ZSCAN25: variants seen among roughly 807,000 people sequenced by gnomAD.
The protein encoded by ZSCAN25 is zinc finger and SCAN domain-containing protein 25.
In ZSCAN25, 27 loss-of-function variants were observed where a neutral mutation model predicts 38.7. The observed-to-expected ratio is 0.70, with a 90% CI of 0.51 to 0.96. The LOEUF (loss-of-function observed/expected upper bound fraction) is 0.96, where lower values mean the gene tolerates loss of function less well. ZSCAN25 is among the 40% of genes least tolerant of loss of function. The probability of loss-of-function intolerance (pLI) is 0.00; values close to 1 mark genes in which losing one functional copy is unlikely to be tolerated. For synonymous variants in ZSCAN25, 273 were observed against 277.7 expected (o/e 0.98, Z 0.17); for missense variants, 637 against 705.9 (o/e 0.90, Z 1.11).
chr7:99,643,225 G>A, the ZSCAN25 span, among the ~76,000 whole-genome samples: 11 of 152,062 alleles, frequency 7.2e-5, no homozygotes, highest in African/African-American at 2.2e-4. Flanking sequence ...GAAAGGGAAT[G>A]TTTCTCTCCC....
At chr7:99,723,027 T>TAA in the ZSCAN25 span, among the ~76,000 whole-genome samples, 16 of 150,950 alleles carry the variant, frequency 1.1e-4, no homozygotes, top group Admixed American at 4.0e-4. Flanking sequence ...CACTGAAACT[T>TAA]AAAAAAAAAC....
the ZSCAN25 span, among the ~76,000 whole-genome samples, chr7:99,729,347 T>A: frequency 6.6e-6 from 1 of 152,192 alleles, no homozygotes; most frequent in Non-Finnish European, 1.5e-5. Flanking sequence ...TAACTCATTA[T>A]AAAATTTTCT....
chr7:99,650,207 C>G, the ZSCAN25 span: 2 of 1,613,728 alleles, frequency 1.2e-6, no homozygotes, highest in Non-Finnish European at 1.7e-6. Context: ...ATGTAAGGAT[C>G]TATGCTGTCC....
chr7:99,672,764 TTA>T, the ZSCAN25 span: 124 of 1,598,862 alleles, frequency 7.8e-5, no homozygotes, highest in South Asian at 1.2e-3. Flanking sequence ...ACTTTGATCA[TTA>T]TGTTATGTAA....
At chr7:99,618,255 C>T (rs981852817) in intron 1 of ZSCAN25, 3 of 152,174 alleles carry the variant, frequency 2.0e-5, no homozygotes, top group Admixed American at 6.5e-5. Flanking sequence ...TCTTCTTTTC[C>T]TTGAGTACTT....
chr7:99,696,748 C>T, the ZSCAN25 span, among the ~76,000 whole-genome samples: 1 of 152,176 alleles, frequency 6.6e-6, no homozygotes, highest in African/African-American at 2.4e-5. Context: ...ACGCAAATCT[C>T]ATGTGGAAAT....
downstream of ZSCAN25, among the ~76,000 whole-genome samples, chr7:99,633,002 T>C (rs1260284697): frequency 6.6e-6 from 1 of 151,218 alleles, no homozygotes; most frequent in Non-Finnish European, 1.5e-5. Context: ...TTTTTTTTTT[T>C]TGAGCTGGAG....
chr7:99,711,528 G>A, the ZSCAN25 span, among the ~76,000 whole-genome samples: 1 of 152,170 alleles, frequency 6.6e-6, no homozygotes, highest in African/African-American at 2.4e-5. Context: ...CATCACTTTG[G>A]GAGGCCAAGG....
chr7:99,661,592 T>A, the ZSCAN25 span, among the ~76,000 whole-genome samples: 1 of 152,248 alleles, frequency 6.6e-6, no homozygotes. Flanking sequence ...TGGTCAGGAC[T>A]GGATTAGGAC....
At chr7:99,628,528 A>T (rs1292295848) in intron 7 of ZSCAN25, among the ~76,000 whole-genome samples, 1 of 152,264 alleles carries the variant, frequency 6.6e-6, no homozygotes, top group Non-Finnish European at 1.5e-5. Context: ...TCATGGTCTC[A>T]GTCCTGATAA....
chr7:99,686,889 G>C, the ZSCAN25 span, among the ~76,000 whole-genome samples: 1 of 152,132 alleles, frequency 6.6e-6, no homozygotes, highest in Middle Eastern at 3.2e-3. Flanking sequence ...TGTTCTGCAG[G>C]CACCACTGCT....
the ZSCAN25 span, among the ~76,000 whole-genome samples, chr7:99,656,474 T>C: frequency 1.3e-5 from 2 of 152,224 alleles, no homozygotes; most frequent in African/African-American, 4.8e-5. Context: ...GCTGCTGGAT[T>C]CGGTTTGCCA....
the ZSCAN25 span, chr7:99,650,129 G>A: frequency 1.2e-6 from 2 of 1,614,144 alleles, no homozygotes; most frequent in South Asian, 1.1e-5. Context: ...ATTAGAGCAA[G>A]TTTCATGTTC....
the ZSCAN25 span, among the ~76,000 whole-genome samples, chr7:99,691,377 G>C: frequency 6.6e-6 from 1 of 152,060 alleles, no homozygotes; most frequent in Admixed American, 6.6e-5. Context: ...ACACCAACAT[G>C]GCACATGTAT....
chr7:99,676,581 G>A, the ZSCAN25 span: 8 of 1,350,890 alleles, frequency 5.9e-6, no homozygotes, highest in Non-Finnish European at 7.8e-6. Flanking sequence ...CTCATCCTAG[G>A]TAGAAAGAGT....
the ZSCAN25 span, chr7:99,735,027 A>G: frequency 2.5e-6 from 4 of 1,614,134 alleles, no homozygotes; most frequent in Non-Finnish European, 2.5e-6. Flanking sequence ...ACTCACAGAT[A>G]GAGGAGTATC....
chr7:99,654,763 A>G, the ZSCAN25 span, among the ~76,000 whole-genome samples: 1 of 152,152 alleles, frequency 6.6e-6, no homozygotes, highest in Non-Finnish European at 1.5e-5. Context: ...TGACTTTTTA[A>G]TGATCGCCAT....
chr7:99,706,934 A>G, the ZSCAN25 span, among the ~76,000 whole-genome samples: 1 of 152,238 alleles, frequency 6.6e-6, no homozygotes, highest in Non-Finnish European at 1.5e-5. Flanking sequence ...AGACATTCTT[A>G]GATAAAGAGA....
chr7:99,715,164 A>G, the ZSCAN25 span, among the ~76,000 whole-genome samples: 1 of 152,236 alleles, frequency 6.6e-6, no homozygotes, highest in Non-Finnish European at 1.5e-5. Context: ...TTAAGCAACC[A>G]ATAAGTTGAA....
Sources: gnomAD v4.1 joint callset for allele counts (sites outside exome capture counted in the v4.1 genomes callset) on GRCh38, gnomAD v4.1.1 for gene constraint, MANE v1.5 for transcripts, NCBI Gene and HGNC (gene_info 2026-07-23, HGNC 2026-07-21) for gene names.